KANK1: variants seen among roughly 807,000 people sequenced by gnomAD.
KANK1 encodes the protein KN motif and ankyrin repeat domains 1, also known as KN motif and ankyrin repeat domain-containing protein 1.
A neutral mutation model predicts 106.2 loss-of-function variants in KANK1; 109 were observed. The observed-to-expected ratio is 1.03, with a 90% CI of 0.88 to 1.20. The LOEUF (loss-of-function observed/expected upper bound fraction) is 1.20, where lower values mean the gene tolerates loss of function less well. Ranked by LOEUF, KANK1 falls within the 50% of genes most tolerant of loss-of-function variation. The pLI is 0.00. For missense variants in KANK1, 2,399 were observed against 1,710.7 expected, an observed-to-expected ratio of 1.40 and a Z score of -7.10; for synonymous variants, 873 against 652.2, an observed-to-expected ratio of 1.34 and a Z score of -5.16.
chr9:728,322 C>G (rs1831292680), intron 3 of KANK1, among the ~76,000 whole-genome samples: 1 of 152,140 alleles, frequency 6.6e-6, no homozygotes, highest in Admixed American at 6.5e-5. Context: ...CTCAGCCTCC[C>G]AAGTAGCTGG....
At chr9:696,283 CAA>C (rs752946063) in intron 2 of KANK1, among the ~76,000 whole-genome samples, 10 of 86,150 alleles carry the variant, frequency 1.2e-4, no homozygotes, top group Non-Finnish European at 1.9e-4. Flanking sequence ...GACTCCGTCT[CAA>C]AAAAAAAAAA....
chr9:651,520 A>G (rs928590544), intron 1 of KANK1, among the ~76,000 whole-genome samples: 1 of 152,184 alleles, frequency 6.6e-6, no homozygotes, highest in Non-Finnish European at 1.5e-5. Flanking sequence ...CATGCATTGG[A>G]TACATCCTCT....
chr9:655,700 A>G (rs954067336), intron 1 of KANK1, among the ~76,000 whole-genome samples: 1 of 152,222 alleles, frequency 6.6e-6, no homozygotes, highest in Non-Finnish European at 1.5e-5. Flanking sequence ...CAGTTTTTAT[A>G]TATTTTTACG....
chr9:659,979 C>G (rs62530109), intron 1 of KANK1: 33,485 of 198,204 alleles, frequency 0.17, 3,160 homozygotes, highest in African/African-American at 0.23. Flanking sequence ...TGAGGAAAAA[C>G]AATCGTATGT....
chr9:546,116 G>C (rs2060915643), intron 1 of KANK1, among the ~76,000 whole-genome samples: 1 of 152,152 alleles, frequency 6.6e-6, no homozygotes, highest in Admixed American at 6.5e-5. Context: ...GGCTTGGTGA[G>C]TGGACCGTGC....
At position 478,801 on chromosome 9, in the gene KANK1, T is replaced by C. The variant is rs74953886; in HGVS notation, c.-362+5528T>C. ...AGCCAATGAGTAAGATTTGATCAGT[T>C]ACAGAAAACAAGTGAAGCCACATTT... is the stretch of plus-strand genomic sequence containing the variant. On this transcript the variant is annotated intron_variant, in intron 3 of 15. Coordinates refer to the KANK1 transcript ENST00000382303. Among the ~76,000 whole-genome samples the C allele has an allele frequency of 3.7e-3, 565 of 152,336 alleles. 4 individuals are homozygous for C. Among genetic ancestry groups the C allele is most frequent in the African/African-American group, 0.013 (544 of 41,580 alleles).
At chr9:623,318 G>T (rs145034783) in intron 1 of KANK1, among the ~76,000 whole-genome samples, 2 of 151,974 alleles carry the variant, frequency 1.3e-5, no homozygotes, top group Non-Finnish European at 2.9e-5. Context: ...TGCCAGGTAC[G>T]GTGGCTCATG....
At chr9:651,227 C>G (rs539192292) in intron 1 of KANK1, among the ~76,000 whole-genome samples, 1 of 152,114 alleles carries the variant, frequency 6.6e-6, no homozygotes, top group African/African-American at 2.4e-5. Context: ...TGTAAGAGCA[C>G]CTCCAAAACA....
chr9:637,588 G>C (rs1012012728), intron 1 of KANK1, among the ~76,000 whole-genome samples: 4 of 152,108 alleles, frequency 2.6e-5, no homozygotes, highest in African/African-American at 9.7e-5. Flanking sequence ...TTTCTGTTAA[G>C]TTCCCAGATG....
rs934465013 is a variant in KANK1, at chr9:744,401, A to G, written c.3898-90A>G. 23 of 1,443,790 alleles carry G rather than the reference A, an allele frequency of 1.6e-5. No individual in the cohort carries two copies. The African/African-American group carries it at 2.0e-4, about 12-fold the overall frequency. The allele number at this position is 1,443,790 out of a possible 1,614,324, so 89.4% of individuals were successfully genotyped here. On this transcript the variant is annotated intron_variant, in intron 10 of 11. Coordinates refer to ENST00000382297, the MANE Select transcript of KANK1 (RefSeq NM_015158.5). ...TAGGGATATTTGGGGAACCTTGCCA[A>G]TTATTGGAGGGTGTTTTGTTCTGTT...
intron 1 of KANK1, among the ~76,000 whole-genome samples, chr9:557,819 C>T (rs1815244323): frequency 6.6e-6 from 1 of 152,070 alleles, no homozygotes; most frequent in East Asian, 1.9e-4. Flanking sequence ...TGTGTGAGCC[C>T]AGAAGTTTGA....
intron 3 of KANK1, among the ~76,000 whole-genome samples, chr9:714,909 CT>C (rs1827275208): frequency 6.6e-6 from 1 of 152,150 alleles, no homozygotes; most frequent in Non-Finnish European, 1.5e-5. Context: ...CTCTCCAATT[CT>C]CATGAATCAG....
intron 1 of KANK1, among the ~76,000 whole-genome samples, chr9:596,430 G>C (rs912344318): frequency 1.7e-4 from 26 of 151,906 alleles, no homozygotes; most frequent in Admixed American, 1.6e-3. Flanking sequence ...AACCAAGGCT[G>C]GCTGTCCTCT....
At chr9:672,338 A>G (rs1169746214) in intron 1 of KANK1, among the ~76,000 whole-genome samples, 3 of 152,200 alleles carry the variant, frequency 2.0e-5, no homozygotes, top group East Asian at 1.9e-4. Context: ...GAATGTAACA[A>G]TTGCATCAGT....
At chr9:654,579 A>T (rs1330205444) in intron 1 of KANK1, among the ~76,000 whole-genome samples, 2 of 105,110 alleles carry the variant, frequency 1.9e-5, no homozygotes, top group African/African-American at 1.3e-4. Context: ...TTTACCACTC[A>T]ATCGTTTCTC....
intron 1 of KANK1, among the ~76,000 whole-genome samples, chr9:625,824 C>T (rs895658360): frequency 6.6e-6 from 1 of 152,116 alleles, no homozygotes; most frequent in African/African-American, 2.4e-5. Flanking sequence ...AAGTCTGTGA[C>T]AGTTTAGCCT....
intron 1 of KANK1, among the ~76,000 whole-genome samples, chr9:611,970 G>A (rs1026287181): frequency 6.6e-6 from 1 of 152,126 alleles, no homozygotes; most frequent in Non-Finnish European, 1.5e-5. Context: ...CGCCAGTCTC[G>A]GCCTCCCAGG....
chr9:702,464 G>A (rs369581992), intron 2 of KANK1, among the ~76,000 whole-genome samples: 13 of 152,128 alleles, frequency 8.5e-5, no homozygotes, highest in East Asian at 5.8e-4. Context: ...AACAGTGCAT[G>A]GTAAATAGTA....
intron 1 of KANK1, among the ~76,000 whole-genome samples, chr9:646,632 G>C (rs761112132): frequency 1.3e-5 from 2 of 149,562 alleles, no homozygotes; most frequent in African/African-American, 2.5e-5. Context: ...TGATAACAAT[G>C]TCCCTAGAAA....
Sources: gnomAD v4.1 joint callset for allele counts (sites outside exome capture counted in the v4.1 genomes callset) on GRCh38, gnomAD v4.1.1 for gene constraint, MANE v1.5 for transcripts, NCBI Gene and HGNC (gene_info 2026-07-23, HGNC 2026-07-21) for gene names.